EPB41L4B: variants seen among roughly 807,000 people sequenced by gnomAD.
The protein encoded by EPB41L4B is erythrocyte membrane protein band 4.1 like 4B.
EPB41L4B carries 30 observed loss-of-function variants against 112.5 expected under a neutral mutation model. The ratio of observed to expected loss-of-function variants is 0.27; its 90% CI spans 0.20 to 0.36. EPB41L4B has a LOEUF of 0.36. EPB41L4B is among the 10% of genes least tolerant of loss of function. EPB41L4B has a pLI of 1.00. For synonymous variants in EPB41L4B, 408 were observed against 439.7 expected (o/e 0.93, Z 0.90); for missense variants, 1,024 against 1,133.3 (o/e 0.90, Z 1.38).
chr9:109,245,833 C>G (rs3793562), intron 14 of EPB41L4B, among the ~76,000 whole-genome samples: 1 of 152,186 alleles, frequency 6.6e-6, no homozygotes, highest in Non-Finnish European at 1.5e-5. Context: ...CCAAAGGACC[C>G]GTGGTTGCCA....
intron 1 of EPB41L4B, among the ~76,000 whole-genome samples, chr9:109,281,311 G>C (rs1174684944): frequency 2.0e-5 from 3 of 152,056 alleles, no homozygotes; most frequent in African/African-American, 7.2e-5. Flanking sequence ...CATACAAATG[G>C]TCAATAAACA....
At position 109,214,570 on chromosome 9, in the gene EPB41L4B, G is replaced by A. The variant is rs560050620; in HGVS notation, c.1634-752C>T. On this transcript the variant is annotated intron_variant, in intron 16 of 25. Coordinates refer to ENST00000374566, the MANE Select transcript of EPB41L4B (RefSeq NM_019114.5). Reference sequence around the variant, plus strand: ...GTTAGAGAACATTTCACTGACAAGCGAACATTTGAATGGGCTGCTAAGGGA... The same window carrying A: ...GTTAGAGAACATTTCACTGACAAGCAAACATTTGAATGGGCTGCTAAGGGA... Among the ~76,000 whole-genome samples the A allele has an allele frequency of 3.3e-4, 50 of 152,316 alleles. No individual in the cohort carries two copies. In the South Asian group the frequency reaches 7.7e-3, roughly 23 times the overall value.
chr9:109,314,466 G>A (rs543125516), intron 1 of EPB41L4B, among the ~76,000 whole-genome samples: 1 of 152,228 alleles, frequency 6.6e-6, no homozygotes, highest in South Asian at 2.1e-4. Flanking sequence ...TACCAGTGTA[G>A]GGTCATGTTA....
At position 109,203,722 on chromosome 9, in the gene EPB41L4B, C is replaced by T. The variant is rs773973909; in HGVS notation, c.1887G>A (p.Lys629=). The change falls in exon 19 of 26, where the codon AAG becomes AAA. Residue 629 remains lysine (K), a synonymous_variant. Coordinates refer to ENST00000374566, the MANE Select transcript of EPB41L4B (RefSeq NM_019114.5). ...TGATATTTACAAACGGTGATTCCTC[C>T]TTTCCACCCTGTTAAAGAAAGCATT... ...NASRVNIQGG[K]EESPFVNINK... 89 of 1,613,704 alleles carry T rather than the reference C, an allele frequency of 5.5e-5. No individual in the cohort carries two copies. Among genetic ancestry groups the T allele is most frequent in the South Asian group, 7.7e-5 (7 of 91,066 alleles).
chr9:109,218,944 G>A (rs1484408760), intron 15 of EPB41L4B, among the ~76,000 whole-genome samples: 1 of 152,168 alleles, frequency 6.6e-6, no homozygotes, highest in Admixed American at 6.5e-5. Flanking sequence ...GAAGCTCTGT[G>A]ATTCAGTCAC....
At chr9:109,219,057 CAGTT>C (rs1833485339) in intron 15 of EPB41L4B, among the ~76,000 whole-genome samples, 1 of 151,752 alleles carries the variant, frequency 6.6e-6, no homozygotes, top group East Asian at 1.9e-4. Context: ...CGGGGGAAGA[CAGTT>C]AGGTTTTGCT....
In EPB41L4B at chr9:109,172,699, G is replaced by A. The variant is rs1402172069; in HGVS notation, c.*1855C>T. The A allele has an allele frequency of 1.3e-5, 2 of 152,184 alleles. No homozygotes were observed. The highest frequency in any genetic ancestry group is 3.9e-4 in the East Asian group (2 of 5,188). 9.4% of individuals were successfully genotyped at this position (152,184 alleles called of 1,614,324 possible). A position where few individuals can be genotyped will look rare whatever the true frequency, so the allele number is the denominator to read the frequency against. ...CAGTATACTCTGTTTACTAAGGCAG[G>A]GAAGTGCGTAATACATTTTAGAAAG... is the stretch of plus-strand genomic sequence containing the variant. On this transcript the variant is annotated 3_prime_UTR_variant, in exon 26 of 26. Coordinates refer to ENST00000374566, the MANE Select transcript of EPB41L4B (RefSeq NM_019114.5).
chr9:109,262,422 C>T (rs1399317523), intron 6 of EPB41L4B, among the ~76,000 whole-genome samples: 4 of 150,368 alleles, frequency 2.7e-5, no homozygotes, highest in Middle Eastern at 3.4e-3. Flanking sequence ...TCTCCTTGTA[C>T]TGCCAATGCT....
At chr9:109,272,017 T>C (rs758569577) in intron 2 of EPB41L4B, among the ~76,000 whole-genome samples, 2 of 152,248 alleles carry the variant, frequency 1.3e-5, no homozygotes, top group East Asian at 1.9e-4. Context: ...CATGGGAGCA[T>C]TGGAACTACA....
intron 23 of EPB41L4B, among the ~76,000 whole-genome samples, chr9:109,184,667 C>T (rs1832191352): frequency 6.6e-6 from 1 of 152,260 alleles, no homozygotes; most frequent in African/African-American, 2.4e-5. Flanking sequence ...TCACTCTCTT[C>T]TGATGGCACT....
chr9:109,206,185 ATTTG>A (rs1832986804), intron 18 of EPB41L4B, among the ~76,000 whole-genome samples: 1 of 152,200 alleles, frequency 6.6e-6, no homozygotes, highest in African/African-American at 2.4e-5. Context: ...TTAATTATTT[ATTTG>A]TTTATTTTTT....
chr9:109,262,978 C>A, intron 6 of EPB41L4B, 72 bp downstream of exon 6: 1 of 1,058,660 alleles, frequency 9.4e-7, no homozygotes, highest in Non-Finnish European at 1.4e-6. Flanking sequence ...GCCTGGTATA[C>A]TGTGGACACT....
At position 109,174,166 on chromosome 9, in the gene EPB41L4B, A is replaced by G. The variant is rs1831725516; in HGVS notation, c.*388T>C. The G allele has an allele frequency of 6.1e-6, 1 of 163,950 alleles. No individual in the cohort carries two copies. The highest frequency in any genetic ancestry group is 2.4e-5 in the African/African-American group (1 of 41,838). 10.2% of individuals were successfully genotyped at this position (163,950 alleles called of 1,614,324 possible). A position where few individuals can be genotyped will look rare whatever the true frequency, so the allele number is the denominator to read the frequency against. On this transcript the variant is annotated 3_prime_UTR_variant, in exon 26 of 26. Transcript: ENST00000374566. ...TTCATTAAAAATGACTCTTTAACAA[A>G]CAGTCAAAGCTCGGTGCAAGTTTCA...
intron 2 of EPB41L4B, among the ~76,000 whole-genome samples, chr9:109,274,659 G>C (rs900123690): frequency 1.3e-5 from 2 of 152,106 alleles, no homozygotes; most frequent in African/African-American, 2.4e-5. Context: ...TTCTATATAT[G>C]TATGTACGCA....
At chr9:109,314,298 C>A (rs1468101825) in intron 1 of EPB41L4B, among the ~76,000 whole-genome samples, 3 of 152,180 alleles carry the variant, frequency 2.0e-5, no homozygotes, top group Non-Finnish European at 2.9e-5. Flanking sequence ...TAAGTCCCCA[C>A]GCAAGAATTT....
chr9:109,176,737 G>T (rs747164596), intron 24 of EPB41L4B, 41 bp from the exon 25 acceptor site: 1 of 1,610,174 alleles, frequency 6.2e-7, no homozygotes. Flanking sequence ...TCTCAATTTG[G>T]GTTCCATTTT....
chr9:109,258,383 C>T, intron 6 of EPB41L4B, 86 bp from the exon 7 acceptor site: 1 of 1,455,202 alleles, frequency 6.9e-7, no homozygotes, highest in Non-Finnish European at 9.5e-7. Context: ...CATTTTGCAT[C>T]ATTATAAAGC....
intron 20 of EPB41L4B, among the ~76,000 whole-genome samples, chr9:109,195,166 C>T (rs1832597189): frequency 6.6e-6 from 1 of 152,104 alleles, no homozygotes; most frequent in Admixed American, 6.5e-5. Flanking sequence ...GCACATTGTC[C>T]CTAAGGATCT....
rs113136472 is a variant in EPB41L4B at position 109,192,754 on chromosome 9, C to T, written c.2224-399G>A. On this transcript the variant is annotated intron_variant, in intron 21 of 25. Coordinates refer to ENST00000374566, the MANE Select transcript of EPB41L4B (RefSeq NM_019114.5). ...GCTAAACTGATCTGCACACTAAGAG[C>T]AATGATCTTCATGGCAGGTGATGGC... 2.1e-4 allele frequency among the ~76,000 whole-genome samples: 32 copies of T among 152,296 alleles called. 1 individual carries two copies. Among genetic ancestry groups the T allele is most frequent in the African/African-American group, 7.7e-4 (32 of 41,564 alleles).
Sources: gnomAD v4.1 joint callset for allele counts (sites outside exome capture counted in the v4.1 genomes callset) on GRCh38, gnomAD v4.1.1 for gene constraint, MANE v1.5 for transcripts, NCBI Gene and HGNC (gene_info 2026-07-23, HGNC 2026-07-21) for gene names.